The following DOCK9 variants were observed in gnomAD, a reference collection of about 807,000 sequenced individuals.
The protein encoded by DOCK9 is dedicator of cytokinesis 9.
In DOCK9, 89 loss-of-function variants were observed where a neutral mutation model predicts 263.3. The ratio of observed to expected loss-of-function variants is 0.34; its 90% CI spans 0.28 to 0.40. The LOEUF is 0.40. Among genes scored for constraint, DOCK9 ranks in the 10% least tolerant of loss-of-function variants. The probability of loss-of-function intolerance (pLI) is 1.00; values close to 1 mark genes in which losing one functional copy is unlikely to be tolerated. For missense variants in DOCK9, 2,140 were observed against 2,603.4 expected (o/e 0.82, Z 3.87); for synonymous variants, 976 against 973.1 (o/e 1.00, Z -0.06).
At chr13:98,932,674 T>C (rs1366779824) in intron 2 of DOCK9, among the ~76,000 whole-genome samples, 3 of 152,190 alleles carry the variant, frequency 2.0e-5, no homozygotes, top group Admixed American at 6.5e-5. Context: ...TGCCTGTATT[T>C]TCTCTCTCTG....
rs139842033 is a variant in DOCK9 at position 98,881,216 on chromosome 13, G to T, written c.2745+342C>A. Among the ~76,000 whole-genome samples, 847 of 151,564 alleles carry T rather than the reference G, an allele frequency of 5.6e-3. 11 individuals carry two copies. The highest frequency in any genetic ancestry group is 0.045 in the South Asian group (216 of 4,812). On this transcript the variant is annotated intron_variant, in intron 25 of 52. Transcript: ENST00000682017. Reference sequence around the variant, plus strand: ...CTGGGAGGAGCAGTTTTGCTGGAAAGTTTAGATGGAAAGAAAAAAAAAAAG... The same window carrying T: ...CTGGGAGGAGCAGTTTTGCTGGAAATTTTAGATGGAAAGAAAAAAAAAAAG...
chr13:98,804,250 G>C (rs1485969084), intron 49 of DOCK9, among the ~76,000 whole-genome samples: 1 of 152,154 alleles, frequency 6.6e-6, no homozygotes, highest in South Asian at 2.1e-4. Flanking sequence ...GGTCAAGAAA[G>C]CATTTTATGT....
At chr13:99,045,321 TATCA>T (rs1364526630) in intron 1 of DOCK9, among the ~76,000 whole-genome samples, 1 of 152,112 alleles carries the variant, frequency 6.6e-6, no homozygotes, top group Non-Finnish European at 1.5e-5. Context: ...CACAATGAAA[TATCA>T]TTCAGGCGCA....
chr13:99,020,558 T>G (rs557068816), intron 1 of DOCK9, among the ~76,000 whole-genome samples: 20 of 152,342 alleles, frequency 1.3e-4, no homozygotes, highest in African/African-American at 4.8e-4. Flanking sequence ...CCTGCAAAGC[T>G]TAAGCATCTG....
At chr13:98,878,184 G>A (rs2044165682) in intron 27 of DOCK9, among the ~76,000 whole-genome samples, 2 of 152,176 alleles carry the variant, frequency 1.3e-5, no homozygotes, top group African/African-American at 4.8e-5. Context: ...CATGTGCACA[G>A]CTTGACCCAG....
chr13:99,061,501 T>G (rs1176681654), intron 1 of DOCK9, among the ~76,000 whole-genome samples: 1 of 152,168 alleles, frequency 6.6e-6, no homozygotes, highest in Non-Finnish European at 1.5e-5. Flanking sequence ...CAACTTGCCA[T>G]TACAGTTTTC....
chr13:99,051,538 C>A (rs921288010), intron 1 of DOCK9, among the ~76,000 whole-genome samples: 1 of 152,092 alleles, frequency 6.6e-6, no homozygotes, highest in African/African-American at 2.4e-5. Flanking sequence ...AAAAATACAT[C>A]TTTTCAATAC....
chr13:98,846,591 G>A (rs1253886802), intron 37 of DOCK9: 1 of 1,349,344 alleles, frequency 7.4e-7, no homozygotes, highest in East Asian at 4.6e-5. Flanking sequence ...ACAGAAGAGT[G>A]ATTTGGGTTA....
rs566997013 is a variant in DOCK9, at chr13:99,071,574, G to T, written c.129+14649C>A. ...TCGTCTTCATAGTGAGTAGGCTAAG[G>T]AAGAGGATGAGGAGGGACTGGTCTT... On this transcript the variant is annotated intron_variant, in intron 1 of 32. Coordinates refer to the DOCK9 transcript ENST00000427887. 4.6e-5 allele frequency among the ~76,000 whole-genome samples: 7 copies of T among 152,118 alleles called. No homozygotes were observed. In the East Asian group the frequency reaches 1.2e-3, roughly 25 times the overall value.
chr13:99,001,702 A>T lies in DOCK9; in HGVS notation c.130-46151T>A, dbSNP rs1882359878. 2.6e-5 allele frequency among the ~76,000 whole-genome samples: 4 copies of T among 152,332 alleles called. No homozygotes were observed. The South Asian group carries it at 8.3e-4, about 32-fold the overall frequency. On this transcript the variant is annotated intron_variant, in intron 1 of 32. Transcript: ENST00000427887. ...ACACCAAGGAAGACACAGCATGGAG[A>T]CATGAAAGAGGACAGGACAGCCTGA...
chr13:98,843,835 T>G (rs2093303918), intron 38 of DOCK9, among the ~76,000 whole-genome samples: 1 of 152,276 alleles, frequency 6.6e-6, no homozygotes, highest in South Asian at 2.1e-4. Context: ...AAAACCCATT[T>G]GCAGTGGGAA....
intron 45 of DOCK9, chr13:98,820,722 G>A (rs1443940684): frequency 7.4e-6 from 3 of 406,628 alleles, no homozygotes; most frequent in Non-Finnish European, 4.8e-6. Context: ...AATCAGGAAC[G>A]CCTTTCTTCT....
chr13:99,054,708 TTC>T (rs1356875003), intron 1 of DOCK9, among the ~76,000 whole-genome samples: 3 of 152,202 alleles, frequency 2.0e-5, no homozygotes, highest in Non-Finnish European at 2.9e-5. Flanking sequence ...CCATGTTAAG[TTC>T]TCTCTCCTAA....
chr13:98,951,069 C>A (rs935361563), intron 2 of DOCK9, among the ~76,000 whole-genome samples: 1 of 152,170 alleles, frequency 6.6e-6, no homozygotes, highest in African/African-American at 2.4e-5. Context: ...AAGGTCATTA[C>A]CTCTGTCTAA....
intron 27 of DOCK9, among the ~76,000 whole-genome samples, chr13:98,874,828 C>G (rs1374795880): frequency 6.6e-6 from 1 of 152,152 alleles, no homozygotes; most frequent in East Asian, 1.9e-4. Flanking sequence ...TACTAAAGAA[C>G]CTACTGTACC....
rs781212295 is a variant in DOCK9, at chr13:98,881,988, C to A, written c.2579G>T (p.Gly860Val). The A allele has an allele frequency of 9.4e-6, 15 of 1,592,546 alleles. No individual in the cohort carries two copies. Among genetic ancestry groups the A allele is most frequent in the Non-Finnish European group, 1.3e-5 (15 of 1,169,294 alleles). ...GGGCAAGAAGGCGATCATCACGTGG[C>A]CTTCCATCGCATGCAGACTCTACGG... ...KYLKSLHAME[G>V]HVMIAFLPTI... Residue 860 changes from glycine (G) to valine (V), a missense_variant, in exon 24 of 53, where the codon GGC becomes GTC. By Grantham distance (109) the Gly-to-Val change is moderately radical (BLOSUM62 -3). This residue lies in a region of DOCK9 where 1,521 missense variants were observed against 1,741.7 expected (regional missense o/e 0.87). Coordinates refer to ENST00000682017, the MANE Select transcript of DOCK9 (RefSeq NM_001366683.2).
At chr13:98,964,271 A>G (rs1390494810) in intron 1 of DOCK9, among the ~76,000 whole-genome samples, 2 of 152,202 alleles carry the variant, frequency 1.3e-5, no homozygotes, top group African/African-American at 2.4e-5. Flanking sequence ...AGGGCAAGAC[A>G]GCCCTATTGT....
At chr13:98,818,209 C>A (rs1408134961) in intron 45 of DOCK9, among the ~76,000 whole-genome samples, 1 of 152,184 alleles carries the variant, frequency 6.6e-6, no homozygotes, top group Non-Finnish European at 1.5e-5. Flanking sequence ...AATGCCAACT[C>A]TATACCTAAT....
chr13:98,910,138 AC>A (rs1355650255), intron 9 of DOCK9, among the ~76,000 whole-genome samples: 2 of 152,340 alleles, frequency 1.3e-5, no homozygotes, highest in African/African-American at 4.8e-5. Context: ...TAAGGAGGTG[AC>A]ATATATGTTC....
Sources: allele counts gnomAD v4.1 joint callset (sites outside exome capture counted in the v4.1 genomes callset), GRCh38; gene constraint gnomAD v4.1.1; regional missense constraint gnomAD v4.1.1; transcripts MANE v1.5; gene names NCBI Gene and HGNC (gene_info 2026-07-23, HGNC 2026-07-21).